SLC4A4: variants seen among roughly 807,000 people sequenced by gnomAD.
SLC4A4 encodes the protein electrogenic sodium bicarbonate cotransporter 1.
A neutral mutation model predicts 111.5 loss-of-function variants in SLC4A4; 27 were observed. The observed-to-expected ratio is 0.24, with a 90% CI of 0.18 to 0.33. The LOEUF (loss-of-function observed/expected upper bound fraction) is 0.33. Ranked by LOEUF, SLC4A4 falls within the 10% of genes least tolerant of loss-of-function variation. SLC4A4 has a pLI of 1.00. For synonymous variants in SLC4A4, 443 were observed against 463.4 expected (o/e 0.96, Z 0.57); for missense variants, 909 against 1,315.5 (o/e 0.69, Z 4.78).
chr4:71,451,364 T>C (rs1029199323), intron 11 of SLC4A4, 63 bp downstream of exon 11: 2 of 1,030,226 alleles, frequency 1.9e-6, no homozygotes, highest in African/African-American at 1.6e-5. Context: ...TTTCCCTTCA[T>C]CTATCAACAT....
intron 2 of SLC4A4, among the ~76,000 whole-genome samples, chr4:71,139,704 T>C (rs1743946070): frequency 6.6e-6 from 1 of 152,234 alleles, no homozygotes; most frequent in Admixed American, 6.5e-5. Flanking sequence ...TTCAATTTTA[T>C]TTATTTATTT....
At chr4:71,150,338 A>G (rs1260717556) in intron 2 of SLC4A4, among the ~76,000 whole-genome samples, 1 of 152,108 alleles carries the variant, frequency 6.6e-6, no homozygotes, top group East Asian at 1.9e-4. Flanking sequence ...AGATGTGGTT[A>G]GGGAAACAGA....
intron 14 of SLC4A4, 69 bp from the exon 15 acceptor site, chr4:71,486,879 C>A: frequency 3.3e-6 from 3 of 922,952 alleles, no homozygotes; most frequent in East Asian, 5.3e-5. Flanking sequence ...TTAAAAATAC[C>A]TAATTATGCA....
chr4:71,248,233 A>T (rs1720817649), intron 2 of SLC4A4, among the ~76,000 whole-genome samples: 1 of 152,090 alleles, frequency 6.6e-6, no homozygotes, highest in Admixed American at 6.6e-5. Flanking sequence ...GAATGAGAAA[A>T]AACTGTGCTC....
chr4:71,091,444 G>A (rs1218315412), intron 1 of SLC4A4, among the ~76,000 whole-genome samples: 1 of 151,832 alleles, frequency 6.6e-6, no homozygotes. Flanking sequence ...TAGTAGAGAC[G>A]AGGTTTCACT....
At chr4:71,292,091 A>G (rs1272702436) in intron 3 of SLC4A4, among the ~76,000 whole-genome samples, 2 of 152,218 alleles carry the variant, frequency 1.3e-5, no homozygotes, top group Admixed American at 6.5e-5. Flanking sequence ...AGAAATTTGT[A>G]GAAAGAAACC....
intron 6 of SLC4A4, among the ~76,000 whole-genome samples, chr4:71,372,615 C>G (rs1195111336): frequency 6.6e-6 from 1 of 152,200 alleles, no homozygotes; most frequent in Non-Finnish European, 1.5e-5. Context: ...CTGCTTCAGA[C>G]TCTCAGGTCT....
chr4:71,536,474 A>ATATATATATATATATATG (rs1734475542), intron 18 of SLC4A4, among the ~76,000 whole-genome samples: 1 of 89,346 alleles, frequency 1.1e-5, no homozygotes, highest in Non-Finnish European at 2.2e-5. Flanking sequence ...ACATATATAT[A>ATATATATATATATATATG]TATATATATA....
chr4:71,156,565 TGCGCGCATGCGCGCGCGCGC>T (rs33967165), intron 2 of SLC4A4, among the ~76,000 whole-genome samples: 8,266 of 27,264 alleles, frequency 0.3, 719 homozygotes, highest in Middle Eastern at 0.36. Context: ...AATAAGTGTG[TGCGCGCATGCGCGCGCGCGC>T]GCGCACACAC....
chr4:71,381,992 C>T (rs1718185004), intron 6 of SLC4A4, among the ~76,000 whole-genome samples: 1 of 152,128 alleles, frequency 6.6e-6, no homozygotes, highest in Non-Finnish European at 1.5e-5. Context: ...GAGATCTAGA[C>T]ATGGCCATAG....
At chr4:71,385,906 G>A (rs774556776) in intron 6 of SLC4A4, among the ~76,000 whole-genome samples, 15 of 152,058 alleles carry the variant, frequency 9.9e-5, no homozygotes, top group Admixed American at 7.2e-4. Flanking sequence ...GTCATCCTGC[G>A]TTGGAGACCA....
At chr4:71,269,515 T>C (rs1419380769) in intron 3 of SLC4A4, among the ~76,000 whole-genome samples, 1 of 152,252 alleles carries the variant, frequency 6.6e-6, no homozygotes, top group African/African-American at 2.4e-5. Context: ...AATTTTTTTT[T>C]GTTTTTCTTT....
intron 2 of SLC4A4, among the ~76,000 whole-genome samples, chr4:71,147,415 A>G (rs1744205535): frequency 6.6e-6 from 1 of 151,920 alleles, no homozygotes; most frequent in Non-Finnish European, 1.5e-5. Flanking sequence ...ATGGTCAGTG[A>G]GTAATAGGCA....
chr4:71,437,720 G>A, intron 7 of SLC4A4: 1 of 344,684 alleles, frequency 2.9e-6, no homozygotes, highest in Non-Finnish European at 5.7e-6. Context: ...ATCTTATTGG[G>A]ATGAGCGGCC....
At chr4:71,378,025 G>A (rs771455080) in intron 6 of SLC4A4, among the ~76,000 whole-genome samples, 7 of 152,070 alleles carry the variant, frequency 4.6e-5, no homozygotes, top group East Asian at 1.9e-4. Flanking sequence ...ATCAGATCTC[G>A]TAAGACTTAT....
intron 7 of SLC4A4, among the ~76,000 whole-genome samples, chr4:71,431,532 T>G (rs1321656863): frequency 6.6e-6 from 1 of 152,120 alleles, no homozygotes; most frequent in Non-Finnish European, 1.5e-5. Flanking sequence ...AGGTTCCAGA[T>G]TTAACCTTTA....
At chr4:71,086,269 T>C (rs1255923939) in intron 1 of SLC4A4, among the ~76,000 whole-genome samples, 9 of 151,728 alleles carry the variant, frequency 5.9e-5, no homozygotes, top group Admixed American at 5.9e-4. Context: ...CCTGAGACTT[T>C]GCTGAAGTTG....
intron 3 of SLC4A4, among the ~76,000 whole-genome samples, chr4:71,265,270 C>A (rs766683450): frequency 4.6e-5 from 7 of 151,952 alleles, no homozygotes; most frequent in Non-Finnish European, 8.8e-5. Flanking sequence ...GAGTGGGGAA[C>A]CTTTGATTTT....
At chr4:71,388,003 T>C (rs1412749885) in intron 6 of SLC4A4, among the ~76,000 whole-genome samples, 1 of 152,158 alleles carries the variant, frequency 6.6e-6, no homozygotes, top group Admixed American at 6.6e-5. Flanking sequence ...CTTAGGGACA[T>C]TTACTGAAAA....
Sources: gnomAD v4.1 joint callset for allele counts (sites outside exome capture counted in the v4.1 genomes callset) on GRCh38, gnomAD v4.1.1 for gene constraint, MANE v1.5 for transcripts, NCBI Gene and HGNC (gene_info 2026-07-23, HGNC 2026-07-21) for gene names.